The following FGD4 variants were observed in gnomAD, a reference collection of about 807,000 sequenced individuals.
FGD4 encodes the protein FYVE, RhoGEF and PH domain containing 4.
A neutral mutation model predicts 102.0 loss-of-function variants in FGD4; 42 were observed. That is an observed-to-expected ratio of 0.41 (90% confidence interval 0.32 to 0.53). FGD4 has a LOEUF of 0.53. Ranked by LOEUF, FGD4 falls within the 20% of genes least tolerant of loss-of-function variation. FGD4 has a pLI of 0.21. For synonymous variants in FGD4, 380 were observed against 375.7 expected, an observed-to-expected ratio of 1.01 and a Z score of -0.13; for missense variants, 902 against 1,078.2, an observed-to-expected ratio of 0.84 and a Z score of 2.29.
Position 32,640,342 on chromosome 12 carries a change from G to T in FGD4, c.2521G>T (p.Asp841Tyr). The T allele has an allele frequency of 6.2e-7, 1 of 1,614,192 alleles. No homozygotes were observed. Among genetic ancestry groups the T allele is most frequent in the Non-Finnish European group, 8.5e-7 (1 of 1,180,040 alleles). ...YVVDEMPRSADLPHSFKLTQS... is the reference protein window; with the variant it reads ...YVVDEMPRSAYLPHSFKLTQS... Reference sequence around the variant, plus strand: ...GGTGGATGAAATGCCAAGGAGCGCAGACCTGCCACACAGTTTCAAACTGAC... The same window carrying T: ...GGTGGATGAAATGCCAAGGAGCGCATACCTGCCACACAGTTTCAAACTGAC... Residue 841 changes from aspartate to tyrosine, a missense_variant, in exon 17 of 17, where the codon GAC becomes TAC. Coordinates refer to ENST00000534526, the MANE Select transcript of FGD4 (RefSeq NM_001370298.3).
intron 1 of FGD4, among the ~76,000 whole-genome samples, chr12:32,562,924 T>C (rs560340642): frequency 6.5e-4 from 99 of 152,316 alleles, no homozygotes; most frequent in African/African-American, 2.3e-3. Context: ...CAATGAGCTG[T>C]TGGGTACACC....
At chr12:32,565,198 T>C (rs1479327430) in intron 2 of FGD4, among the ~76,000 whole-genome samples, 4 of 152,202 alleles carry the variant, frequency 2.6e-5, no homozygotes, top group African/African-American at 9.7e-5. Flanking sequence ...TCCTTAAAGT[T>C]GTATGTTTTA....
chr12:32,607,518 TG>T (rs1345361955), intron 7 of FGD4, among the ~76,000 whole-genome samples: 1 of 152,034 alleles, frequency 6.6e-6, no homozygotes, highest in Non-Finnish European at 1.5e-5. Context: ...TTTCTGTTGT[TG>T]TTGTTGTTTT....
intron 7 of FGD4, among the ~76,000 whole-genome samples, chr12:32,605,814 T>A (rs1948740031): frequency 6.6e-6 from 1 of 152,242 alleles, no homozygotes; most frequent in Admixed American, 6.5e-5. Flanking sequence ...TGTGTTCATT[T>A]GCCTGTGAAA....
At chr12:32,535,707 C>T (rs1184030899) in intron 1 of FGD4, among the ~76,000 whole-genome samples, 1 of 151,936 alleles carries the variant, frequency 6.6e-6, no homozygotes, top group Non-Finnish European at 1.5e-5. Context: ...GTTTTAGGTT[C>T]TCTTTTTCCT....
chr12:32,590,022 G>A (rs1359491604), intron 4 of FGD4, among the ~76,000 whole-genome samples: 1 of 152,138 alleles, frequency 6.6e-6, no homozygotes, highest in Non-Finnish European at 1.5e-5. Flanking sequence ...TATAAAGCAA[G>A]GAATGCCGGG....
At chr12:32,476,918 TTTTC>T (rs1943597316) in intron 1 of FGD4, among the ~76,000 whole-genome samples, 1 of 152,156 alleles carries the variant, frequency 6.6e-6, no homozygotes, top group East Asian at 1.9e-4. Context: ...TGTGAGCTGT[TTTTC>T]TTTAACAGTA....
intron 1 of FGD4, among the ~76,000 whole-genome samples, chr12:32,411,449 G>T (rs947250186): frequency 1.1e-4 from 17 of 151,366 alleles, no homozygotes; most frequent in Admixed American, 3.3e-4. Context: ...CAGGAGAATT[G>T]CTTGAACCCG....
chr12:32,469,606 T>C (rs1943361204), intron 1 of FGD4, among the ~76,000 whole-genome samples: 1 of 150,770 alleles, frequency 6.6e-6, no homozygotes, highest in African/African-American at 2.4e-5. Flanking sequence ...AAAGACAACA[T>C]AGTATTTCAC....
chr12:32,437,547 C>T (rs764462553), intron 1 of FGD4, among the ~76,000 whole-genome samples: 9 of 152,198 alleles, frequency 5.9e-5, no homozygotes, highest in Non-Finnish European at 7.3e-5. Context: ...CTTCACTACA[C>T]GGATATCCGT....
chr12:32,423,591 CAAAAAAAAAAA>C (rs35872227), intron 1 of FGD4, among the ~76,000 whole-genome samples: 1 of 72,896 alleles, frequency 1.4e-5, no homozygotes, highest in Non-Finnish European at 3.2e-5. Flanking sequence ...GACTTCATCT[CAAAAAAAAAAA>C]AAAAAAAAGA....
At chr12:32,609,861 T>G (rs1349457719) in intron 8 of FGD4, among the ~76,000 whole-genome samples, 1 of 152,052 alleles carries the variant, frequency 6.6e-6, no homozygotes, top group Non-Finnish European at 1.5e-5. Flanking sequence ...TGGGACATGA[T>G]TTAGGATTGA....
chr12:32,496,573 T>G (rs1937831450), intron 1 of FGD4, among the ~76,000 whole-genome samples: 1 of 152,228 alleles, frequency 6.6e-6, no homozygotes, highest in Non-Finnish European at 1.5e-5. Context: ...AAGTCTCATT[T>G]ATAGAACATT....
intron 1 of FGD4, among the ~76,000 whole-genome samples, chr12:32,418,294 G>A (rs1223630223): frequency 2.6e-5 from 4 of 152,002 alleles, no homozygotes; most frequent in Admixed American, 2.6e-4. Context: ...ATGTTTTCCT[G>A]GATGGTCTTC....
At chr12:32,562,380 T>C (rs546787086) in intron 1 of FGD4, among the ~76,000 whole-genome samples, 101 of 152,284 alleles carry the variant, frequency 6.6e-4, no homozygotes, top group African/African-American at 2.3e-3. Context: ...ACTATGACTG[T>C]TTTTGTTTTA....
Position 32,603,631 on chromosome 12 carries a change from T to C in FGD4, c.1404+1314T>C, listed in dbSNP as rs566472342. On this transcript the variant is annotated intron_variant, in intron 7 of 16. Coordinates refer to ENST00000534526, the MANE Select transcript of FGD4 (RefSeq NM_001370298.3). The stretch of plus-strand genomic sequence containing the variant: ...CTATCTCCTGACCTTATGATCTGCC[T>C]GCCTCGGCCTCCCAAAATGCTGGGA... 1.2e-4 allele frequency among the ~76,000 whole-genome samples: 19 copies of C among 152,238 alleles called. 1 individual carries two copies. The highest frequency in any genetic ancestry group is 4.6e-4 in the African/African-American group (19 of 41,550).
chr12:32,406,957 C>T (rs1230686999), intron 1 of FGD4, among the ~76,000 whole-genome samples: 1 of 151,488 alleles, frequency 6.6e-6, no homozygotes, highest in African/African-American at 2.4e-5. Context: ...GTATTATAGG[C>T]ACCTGCCACC....
chr12:32,401,173 A>C (rs940862729), intron 1 of FGD4, among the ~76,000 whole-genome samples: 1 of 152,184 alleles, frequency 6.6e-6, no homozygotes, highest in Non-Finnish European at 1.5e-5. Context: ...CTTTGGATCG[A>C]AGGTATTTAT....
Position 32,640,310 on chromosome 12 carries a change from G to C in FGD4, c.2489G>C (p.Gly830Ala). Residue 830 changes from glycine to alanine, a missense_variant, in exon 17 of 17, where the codon GGC (glycine) becomes GCC (alanine). Gly to Ala is a moderately conservative substitution (Grantham distance 60). Transcript: ENST00000534526. Reference sequence around the variant, plus strand: ...GCCCAGGCCACCATTCCACTTCTGGGCTATGTGGTGGATGAAATGCCAAGG... The same window carrying C: ...GCCCAGGCCACCATTCCACTTCTGGCCTATGTGGTGGATGAAATGCCAAGG... ...VRAQATIPLL[G>A]YVVDEMPRSA... The C allele has an allele frequency of 6.2e-7, 1 of 1,614,186 alleles. No individual in the cohort carries two copies. The highest frequency in any genetic ancestry group is 8.5e-7 in the Non-Finnish European group (1 of 1,180,036).
Sources: gnomAD v4.1 joint callset for allele counts (sites outside exome capture counted in the v4.1 genomes callset) on GRCh38, gnomAD v4.1.1 for gene constraint, MANE v1.5 for transcripts, NCBI Gene and HGNC (gene_info 2026-07-23, HGNC 2026-07-21) for gene names.